The following RANBP2 variants were observed in gnomAD, a reference collection of about 807,000 sequenced individuals.
RANBP2 encodes the protein E3 SUMO-protein ligase RanBP2.
RANBP2 carries 57 observed loss-of-function variants against 303.6 expected under a neutral mutation model. That is an observed-to-expected ratio of 0.19 (90% CI 0.15 to 0.23). The LOEUF is 0.23. Among genes scored for constraint, RANBP2 ranks in the 10% least tolerant of loss-of-function variants. The pLI, the probability that RANBP2 is intolerant of heterozygous loss-of-function variation, is 1.00. For synonymous variants in RANBP2, 1,167 were observed against 1,301.5 expected, an observed-to-expected ratio of 0.90 and a Z score of 2.23; for missense variants, 3,138 against 3,780.8, an observed-to-expected ratio of 0.83 and a Z score of 4.46.
intron 6 of RANBP2, among the ~76,000 whole-genome samples, chr2:108,737,165 G>A (rs397833781): frequency 6.6e-6 from 1 of 152,116 alleles, no homozygotes; most frequent in East Asian, 1.9e-4. Flanking sequence ...TAGGGTAAGA[G>A]CAGTATCTAA....
chr2:109,106,166 C>G, the RANBP2 span, among the ~76,000 whole-genome samples: 311 of 152,090 alleles, frequency 2.0e-3, 2 homozygotes, highest in African/African-American at 7.1e-3. Context: ...CGGCCCTGCT[C>G]TAAAACTTTT....
chr2:108,905,556 G>A, the RANBP2 span, among the ~76,000 whole-genome samples: 1 of 152,068 alleles, frequency 6.6e-6, no homozygotes, highest in African/African-American at 2.4e-5. Flanking sequence ...GGGGTAATGG[G>A]GGCATTGGTG....
chr2:108,919,480 T>C, the RANBP2 span, among the ~76,000 whole-genome samples: 2 of 152,136 alleles, frequency 1.3e-5, no homozygotes, highest in East Asian at 3.9e-4. Context: ...TGCCTCAGCC[T>C]CCCGAGTAGC....
the RANBP2 span, among the ~76,000 whole-genome samples, chr2:109,386,524 G>A: frequency 1.3e-5 from 2 of 152,202 alleles, no homozygotes; most frequent in Non-Finnish European, 2.9e-5. Flanking sequence ...AAAAACCAGC[G>A]TTAGCTGGAT....
At chr2:109,663,897 C>G in the RANBP2 span, among the ~76,000 whole-genome samples, 1 of 152,186 alleles carries the variant, frequency 6.6e-6, no homozygotes, top group South Asian at 2.1e-4. Context: ...GTGAAAAGCT[C>G]TAATGAGACC....
the RANBP2 span, among the ~76,000 whole-genome samples, chr2:108,831,700 T>TCTTCCTTCATTC: frequency 6.9e-6 from 1 of 145,152 alleles, no homozygotes; most frequent in South Asian, 2.3e-4. Flanking sequence ...TGGCACAGAA[T>TCTTCCTTCATTC]CTTCCTTCCT....
chr2:108,930,626 T>TA, the RANBP2 span, among the ~76,000 whole-genome samples: 1 of 151,942 alleles, frequency 6.6e-6, no homozygotes, highest in Non-Finnish European at 1.5e-5. Context: ...AGGATGGGGG[T>TA]AGGGGTCTGA....
chr2:109,469,654 T>C, the RANBP2 span, among the ~76,000 whole-genome samples: 5 of 152,306 alleles, frequency 3.3e-5, no homozygotes, highest in Non-Finnish European at 5.9e-5. Flanking sequence ...TGTGTACTTC[T>C]GATTAAGGAC....
the RANBP2 span, chr2:109,614,473 G>A: frequency 8.2e-7 from 1 of 1,222,120 alleles, no homozygotes; most frequent in Admixed American, 4.4e-5. Flanking sequence ...GCTGGCGGGG[G>A]AGCAGCGCGG....
At chr2:108,844,282 C>T in the RANBP2 span, among the ~76,000 whole-genome samples, 3 of 152,190 alleles carry the variant, frequency 2.0e-5, no homozygotes, top group African/African-American at 7.2e-5. Flanking sequence ...AGGTTGTTTG[C>T]AGTTGTTCAG....
the RANBP2 span, among the ~76,000 whole-genome samples, chr2:109,495,787 G>T: frequency 8.1e-4 from 124 of 152,200 alleles, no homozygotes; most frequent in African/African-American, 2.7e-3. Context: ...CACTGCACCT[G>T]GCCCCCTTTC....
chr2:109,251,033 A>T, the RANBP2 span, among the ~76,000 whole-genome samples: 1 of 151,576 alleles, frequency 6.6e-6, no homozygotes, highest in South Asian at 2.1e-4. Flanking sequence ...ATTGAGTCTC[A>T]CTCTGTCGCC....
the RANBP2 span, among the ~76,000 whole-genome samples, chr2:108,996,391 C>T: frequency 5.9e-3 from 892 of 152,282 alleles, 8 homozygotes; most frequent in African/African-American, 0.021. Flanking sequence ...CTACTCATGC[C>T]TTCAAGGTGG....
the RANBP2 span, among the ~76,000 whole-genome samples, chr2:109,264,802 C>T: frequency 6.0e-4 from 91 of 152,344 alleles, no homozygotes; most frequent in Admixed American, 2.6e-3. Flanking sequence ...CATCACCTAC[C>T]GTGCATGCCG....
chr2:109,092,328 G>A, the RANBP2 span, among the ~76,000 whole-genome samples: 1 of 152,072 alleles, frequency 6.6e-6, no homozygotes, highest in African/African-American at 2.4e-5. Flanking sequence ...ACCATCCTGA[G>A]GTCATCCCTC....
chr2:109,642,486 A>C, the RANBP2 span, among the ~76,000 whole-genome samples: 1 of 152,096 alleles, frequency 6.6e-6, no homozygotes, highest in Non-Finnish European at 1.5e-5. Flanking sequence ...GCGGTGGCTC[A>C]CGCCTGTAAT....
rs1419132828 is a variant in RANBP2, at chr2:108,763,363, C to T, written c.2824C>T (p.Pro942Ser). 2.5e-6 allele frequency: 4 copies of T among 1,613,818 alleles called. No individual in the cohort carries two copies. Among genetic ancestry groups the T allele is most frequent in the African/African-American group, 2.7e-5 (2 of 74,866 alleles). ...CMFSQEMYGP[P>S]ALRFESPATG... ...GTTCTCTCAGGAGATGTATGGTCCTCCTGCATTGCGTTTTGAGTCTCCTGC... is the reference window on the plus strand; with the variant it reads ...GTTCTCTCAGGAGATGTATGGTCCTTCTGCATTGCGTTTTGAGTCTCCTGC... Residue 942 changes from proline (P) to serine (S), a missense_variant, in exon 20 of 29, where the codon CCT becomes TCT. Transcript: ENST00000283195.
At chr2:109,576,604 C>G in the RANBP2 span, among the ~76,000 whole-genome samples, 1 of 152,004 alleles carries the variant, frequency 6.6e-6, no homozygotes, top group African/African-American at 2.4e-5. Flanking sequence ...GTATATATTT[C>G]ACATAAAAAT....
At chr2:109,416,509 C>T in the RANBP2 span, among the ~76,000 whole-genome samples, 1 of 152,192 alleles carries the variant, frequency 6.6e-6, no homozygotes, top group African/African-American at 2.4e-5. Flanking sequence ...CTCAGCCTCC[C>T]CAGTAGCTGG....
Sources: allele counts gnomAD v4.1 joint callset (sites outside exome capture counted in the v4.1 genomes callset), GRCh38; gene constraint gnomAD v4.1.1; transcripts MANE v1.5; gene names NCBI Gene and HGNC (gene_info 2026-07-23, HGNC 2026-07-21).